Variants in C12orf42 observed in about 807,000 individuals in gnomAD.
The protein encoded by C12orf42 is chromosome 12 open reading frame 42.
Under a neutral mutation model 21.6 loss-of-function variants are expected in C12orf42, and 25 were observed. The observed-to-expected ratio is 1.16, with a 90% confidence interval of 0.84 to 1.62. The LOEUF is 1.62. Among genes scored for constraint, C12orf42 ranks in the 40% most tolerant of loss-of-function variants. The probability of loss-of-function intolerance (pLI) is 0.00; values close to 1 mark genes in which losing one functional copy is unlikely to be tolerated. For missense variants in C12orf42, 483 were observed against 459.3 expected (o/e 1.05, Z -0.47); for synonymous variants, 174 against 175.0 (o/e 0.99, Z 0.05).
chr12:103,075,131 C>G, the C12orf42 span, among the ~76,000 whole-genome samples: 1 of 152,050 alleles, frequency 6.6e-6, no homozygotes, highest in Admixed American at 6.6e-5. Context: ...AGAAAAGGAT[C>G]TGAAGCATTA....
At chr12:103,110,454 G>C in the C12orf42 span, among the ~76,000 whole-genome samples, 3 of 152,154 alleles carry the variant, frequency 2.0e-5, no homozygotes, top group Non-Finnish European at 2.9e-5. Flanking sequence ...AATGAAGAAA[G>C]AGTTTAATGG....
rs1010614299 is a variant in C12orf42 at position 103,433,641 on chromosome 12, T to G, written c.79-31966A>C. Among the ~76,000 whole-genome samples, 6 of 152,194 alleles carry G rather than the reference T, an allele frequency of 3.9e-5. No individual in the cohort carries two copies. In the East Asian group the frequency reaches 1.2e-3, roughly 29 times the overall value. The stretch of plus-strand genomic sequence containing the variant: ...GGGACATTTACAAAGAAATGACCTA[T>G]TTTCTCTAACAAAAGAGTGGTATGG... On this transcript the variant is annotated intron_variant, in intron 2 of 5. Coordinates refer to ENST00000548883, the MANE Select transcript of C12orf42 (RefSeq NM_198521.5).
At chr12:103,427,867 A>C (rs527467455) in intron 2 of C12orf42, among the ~76,000 whole-genome samples, 52 of 152,234 alleles carry the variant, frequency 3.4e-4, no homozygotes, top group Non-Finnish European at 6.6e-4. Flanking sequence ...ACTGCTCCTG[A>C]ATGATTACTG....
chr12:103,054,757 CCTAT>C, the C12orf42 span, among the ~76,000 whole-genome samples: 1 of 151,944 alleles, frequency 6.6e-6, no homozygotes, highest in Middle Eastern at 3.4e-3. Flanking sequence ...CCTCTCTATT[CCTAT>C]CTTTCTGAGA....
chr12:103,181,904 A>G, the C12orf42 span, among the ~76,000 whole-genome samples: 3 of 152,190 alleles, frequency 2.0e-5, no homozygotes, highest in Non-Finnish European at 4.4e-5. Context: ...CCGTAAGCTT[A>G]TATTGTATTT....
At chr12:103,434,928 A>T (rs1417913973) in intron 2 of C12orf42, among the ~76,000 whole-genome samples, 1 of 152,252 alleles carries the variant, frequency 6.6e-6, no homozygotes, top group Non-Finnish European at 1.5e-5. Flanking sequence ...CTGCCTCTGC[A>T]GGCTCCACCT....
intron 3 of C12orf42, among the ~76,000 whole-genome samples, chr12:103,394,662 T>A (rs1303421991): frequency 6.6e-6 from 1 of 152,210 alleles, no homozygotes; most frequent in African/African-American, 2.4e-5. Context: ...AACAATTCTA[T>A]CAATAAGGGC....
intron 2 of C12orf42, among the ~76,000 whole-genome samples, chr12:103,425,475 C>T (rs1949727573): frequency 6.6e-6 from 1 of 152,214 alleles, no homozygotes; most frequent in Non-Finnish European, 1.5e-5. Context: ...CTGAGACAAG[C>T]TTCCAGAGGA....
chr12:103,285,661 TAA>T (rs1291449961), intron 4 of C12orf42, among the ~76,000 whole-genome samples: 1 of 152,248 alleles, frequency 6.6e-6, no homozygotes, highest in Non-Finnish European at 1.5e-5. Context: ...GGTAATATGA[TAA>T]ATTATTTGAA....
chr12:103,073,653 A>T, the C12orf42 span, among the ~76,000 whole-genome samples: 1 of 152,094 alleles, frequency 6.6e-6, no homozygotes, highest in Non-Finnish European at 1.5e-5. Context: ...GCTAGGGGTG[A>T]TAGGAGGGGT....
intron 2 of C12orf42, among the ~76,000 whole-genome samples, chr12:103,444,971 G>C (rs1951488065): frequency 6.6e-6 from 1 of 151,662 alleles, no homozygotes; most frequent in South Asian, 2.1e-4. Flanking sequence ...TTATAAAAAA[G>C]AACATACGTA....
At chr12:103,052,868 G>T in the C12orf42 span, among the ~76,000 whole-genome samples, 49 of 151,916 alleles carry the variant, frequency 3.2e-4, no homozygotes, top group African/African-American at 1.2e-3. Flanking sequence ...TTTCCATATG[G>T]ATAATCAGTT....
At chr12:103,554,368 G>T in the C12orf42 span, among the ~76,000 whole-genome samples, 2 of 152,228 alleles carry the variant, frequency 1.3e-5, no homozygotes, top group African/African-American at 2.4e-5. Context: ...AAAATAAAAG[G>T]TTTGTGCTAG....
the C12orf42 span, among the ~76,000 whole-genome samples, chr12:103,190,182 C>G: frequency 6.6e-6 from 1 of 152,150 alleles, no homozygotes; most frequent in East Asian, 1.9e-4. Context: ...GGCCTGAGAG[C>G]CTCTGGGCAA....
At chr12:103,545,434 A>G in the C12orf42 span, among the ~76,000 whole-genome samples, 1 of 152,246 alleles carries the variant, frequency 6.6e-6, no homozygotes, top group Non-Finnish European at 1.5e-5. Flanking sequence ...AAAGATGTAA[A>G]GAGTTGCATA....
the C12orf42 span, among the ~76,000 whole-genome samples, chr12:103,157,502 G>T: frequency 1.3e-5 from 2 of 152,044 alleles, no homozygotes; most frequent in African/African-American, 4.8e-5. Flanking sequence ...TTTGGCTTTC[G>T]TTGCAATTGC....
intron 2 of C12orf42, among the ~76,000 whole-genome samples, chr12:103,408,513 A>G (rs2048593302): frequency 6.6e-6 from 1 of 152,176 alleles, no homozygotes; most frequent in African/African-American, 2.4e-5. Flanking sequence ...GTTTCTTTTT[A>G]TCTAAGAAGA....
At chr12:103,254,159 T>G (rs1052207321) in intron 10 of C12orf42, among the ~76,000 whole-genome samples, 4 of 152,262 alleles carry the variant, frequency 2.6e-5, no homozygotes, top group African/African-American at 9.6e-5. Context: ...TTGTATAAGG[T>G]GTAAGAAATG....
At chr12:103,415,018 G>A (rs1354415438) in intron 2 of C12orf42, among the ~76,000 whole-genome samples, 1 of 151,978 alleles carries the variant, frequency 6.6e-6, no homozygotes, top group Non-Finnish European at 1.5e-5. Context: ...GTCTTCAAGA[G>A]ACCTGTCTTA....
Sources: allele counts gnomAD v4.1 joint callset (sites outside exome capture counted in the v4.1 genomes callset), GRCh38; gene constraint gnomAD v4.1.1; transcripts MANE v1.5; gene names NCBI Gene and HGNC (gene_info 2026-07-23, HGNC 2026-07-21).